The following KIAA0513 variants were observed in gnomAD, a reference collection of about 807,000 sequenced individuals.
The protein encoded by KIAA0513 is uncharacterized protein KIAA0513.
Under a neutral mutation model 56.5 loss-of-function variants are expected in KIAA0513, and 39 were observed. That is an observed-to-expected ratio of 0.69 (90% confidence interval 0.53 to 0.90). The LOEUF is 0.90. KIAA0513 is among the 40% of genes least tolerant of loss of function. KIAA0513 has a pLI of 0.00. For synonymous variants in KIAA0513, 268 were observed against 215.6 expected, an observed-to-expected ratio of 1.24 and a Z score of -2.13; for missense variants, 591 against 535.2, an observed-to-expected ratio of 1.10 and a Z score of -1.03.
chr16:85,059,652 C>G (rs114124152), intron 1 of KIAA0513, among the ~76,000 whole-genome samples: 12,837 of 152,160 alleles, frequency 0.084, 1,743 homozygotes, highest in African/African-American at 0.28. Context: ...TGAAGTTGTT[C>G]TGAATGAAAT....
chr16:85,051,426 G>T (rs564813374), intron 1 of KIAA0513, among the ~76,000 whole-genome samples: 83 of 152,252 alleles, frequency 5.5e-4, no homozygotes, highest in Admixed American at 1.8e-3. Context: ...AAGAGAAATG[G>T]CAAGAAACCC....
chr16:85,054,849 G>C lies in KIAA0513; in HGVS notation c.-172-12051G>C, dbSNP rs985660078. ...ATGGCAATGTTGTACGTCCTGGCGCGGGTGGTGGCTGCATGGACGTATTCG... is the reference window on the plus strand; with the variant it reads ...ATGGCAATGTTGTACGTCCTGGCGCCGGTGGTGGCTGCATGGACGTATTCG... On this transcript the variant is annotated intron_variant, in intron 1 of 12. Coordinates refer to ENST00000683363, the MANE Select transcript of KIAA0513 (RefSeq NM_001388359.1). Among the ~76,000 whole-genome samples, 4 of 151,910 alleles carry C rather than the reference G, an allele frequency of 2.6e-5. No homozygotes were observed. The East Asian group carries it at 7.7e-4, about 29-fold the overall frequency.
At position 85,088,411 on chromosome 16, in the gene KIAA0513, C is replaced by A; in HGVS notation, c.*86C>A. Reference sequence around the variant, plus strand: ...GCCCGGCCGTCACCCCACCCGATGACCTGCATGAAGCCAGCAGCACCCAGA... The same window carrying A: ...GCCCGGCCGTCACCCCACCCGATGAACTGCATGAAGCCAGCAGCACCCAGA... On this transcript the variant is annotated 3_prime_UTR_variant, in exon 13 of 13. Coordinates refer to ENST00000683363, the MANE Select transcript of KIAA0513 (RefSeq NM_001388359.1). 1 of 1,207,224 alleles carries A rather than the reference C, an allele frequency of 8.3e-7. No homozygotes were observed. The highest frequency in any genetic ancestry group is 1.2e-6 in the Non-Finnish European group (1 of 828,888). The allele number at this position is 1,207,224 out of a possible 1,614,324, so 74.8% of individuals were successfully genotyped here. A position where few individuals can be genotyped will look rare whatever the true frequency, so the allele number is the denominator to read the frequency against.
At chr16:85,054,247 T>C (rs1183651012) in intron 1 of KIAA0513, among the ~76,000 whole-genome samples, 1 of 152,164 alleles carries the variant, frequency 6.6e-6, no homozygotes, top group Non-Finnish European at 1.5e-5. Context: ...AGAATGTCTT[T>C]TAGAATTACT....
rs537032067 is a variant in KIAA0513, at chr16:85,089,454, C to A, written c.*1129C>A. 1 of 152,790 alleles carries A rather than the reference C, an allele frequency of 6.5e-6. No individual in the cohort carries two copies. Among genetic ancestry groups the A allele is most frequent in the East Asian group, 1.9e-4 (1 of 5,190 alleles). 9.5% of individuals were successfully genotyped at this position (152,790 alleles called of 1,614,324 possible). ...ACTGCCTGGGAACCACGGCCCTTCT[C>A]TTCTGTGGGTCTGTACCAGGTACTC... is the stretch of plus-strand genomic sequence containing the variant. On this transcript the variant is annotated 3_prime_UTR_variant, in exon 13 of 13. Coordinates refer to ENST00000683363, the MANE Select transcript of KIAA0513 (RefSeq NM_001388359.1). The surrounding 1 kb of genome is among the most constrained non-coding windows in gnomAD (Gnocchi z 4.2).
At chr16:85,065,988 G>T (rs1373797006) in intron 1 of KIAA0513, among the ~76,000 whole-genome samples, 1 of 152,348 alleles carries the variant, frequency 6.6e-6, no homozygotes, top group Non-Finnish European at 1.5e-5. Flanking sequence ...ACGTAGTCAG[G>T]AGTCCTCGCT....
intron 1 of KIAA0513, among the ~76,000 whole-genome samples, chr16:85,035,105 TC>T (rs2073016954): frequency 1.3e-5 from 2 of 151,890 alleles, no homozygotes; most frequent in Non-Finnish European, 2.9e-5. Context: ...GCTGTCAAAA[TC>T]CCAGGCCCCA....
At chr16:85,069,373 CCA>C (rs2073538357) in intron 2 of KIAA0513, among the ~76,000 whole-genome samples, 1 of 152,168 alleles carries the variant, frequency 6.6e-6, no homozygotes, top group Admixed American at 6.5e-5. Flanking sequence ...ACTATACTGG[CCA>C]GCAGCTGATT....
rs530348035 is a variant in KIAA0513 at position 85,082,698 on chromosome 16, A to T, written c.1010+105A>T. ...TGTGCTGAGCTGCTGCAGCAGGCAC[A>T]GCCCAGACGCAGGTGCAGCCTGGTG... On this transcript the variant is annotated intron_variant, in intron 10 of 12. Transcript: ENST00000683363. The T allele has an allele frequency of 1.7e-4, 211 of 1,231,456 alleles. 1 individual carries two copies. The South Asian group carries it at 2.6e-3, about 15-fold the overall frequency. 76.3% of individuals were successfully genotyped at this position (1,231,456 alleles called of 1,614,324 possible).
chr16:85,065,860 C>T (rs146557637), intron 1 of KIAA0513, among the ~76,000 whole-genome samples: 2 of 152,294 alleles, frequency 1.3e-5, no homozygotes, highest in South Asian at 2.1e-4. Flanking sequence ...GGGTTAGAAG[C>T]GAAGATTCAG....
At chr16:85,082,341 A>G (rs148104240) in intron 9 of KIAA0513, among the ~76,000 whole-genome samples, 26 of 152,172 alleles carry the variant, frequency 1.7e-4, no homozygotes, top group African/African-American at 6.3e-4. Context: ...GTGCCAGGAG[A>G]CCAGAACAGG....
Position 85,068,160 on chromosome 16 carries a change from T to C in KIAA0513, c.329+760T>C, listed in dbSNP as rs182760010. Among the ~76,000 whole-genome samples, 869 of 150,066 alleles carry C rather than the reference T, an allele frequency of 5.8e-3. 6 individuals carry two copies. The highest frequency in any genetic ancestry group is 0.01 in the Non-Finnish European group (674 of 67,390). On this transcript the variant is annotated intron_variant, in intron 2 of 12. Transcript: ENST00000683363. ...GTTGTTCCTGAATTTTATCCACGCA[T>C]TCTTTTTTTTTTTTGAGAAGGAGTC... is the stretch of plus-strand genomic sequence containing the variant.
In KIAA0513 at chr16:85,050,342, TA is replaced by T. The variant is rs1366718961; in HGVS notation, c.-172-16557del. ...GTTGATTGATATTTATTTATTTATTTATTTATTTATTTATTTATTTTTTTTG... is the reference window on the plus strand; with the variant it reads ...GTTGATTGATATTTATTTATTTATTTTTTATTTATTTATTTATTTTTTTTG... On this transcript the variant is annotated intron_variant, in intron 1 of 12. Coordinates refer to ENST00000683363, the MANE Select transcript of KIAA0513 (RefSeq NM_001388359.1). 2.8e-3 allele frequency among the ~76,000 whole-genome samples: 305 copies of T among 107,338 alleles called. 1 individual carries two copies. Among genetic ancestry groups the T allele is most frequent in the Admixed American group, 2.5e-3 (30 of 11,920 alleles). 70.4% of individuals were successfully genotyped at this position (107,338 alleles called of 152,430 possible). A position where few individuals can be genotyped will look rare whatever the true frequency, so the allele number is the denominator to read the frequency against.
chr16:85,046,608 G>A (rs962993111), intron 1 of KIAA0513, among the ~76,000 whole-genome samples: 4 of 152,236 alleles, frequency 2.6e-5, no homozygotes, highest in African/African-American at 9.6e-5. Flanking sequence ...GTCAGCTGGT[G>A]ATACACACTG....
chr16:85,033,424 T>C (rs1475783246), intron 1 of KIAA0513, among the ~76,000 whole-genome samples: 2 of 152,164 alleles, frequency 1.3e-5, no homozygotes, highest in Non-Finnish European at 2.9e-5. Context: ...CTGGTCCTTG[T>C]AGTGGAGGAA....
chr16:85,072,823 C>A, intron 3 of KIAA0513, 102 bp from the exon 4 acceptor site: 1 of 1,158,942 alleles, frequency 8.6e-7, no homozygotes, highest in Non-Finnish European at 1.3e-6. Context: ...GCCCCCATCC[C>A]AGCTGCATTT....
intron 1 of KIAA0513, among the ~76,000 whole-genome samples, chr16:85,057,358 G>A (rs974061643): frequency 6.6e-6 from 1 of 152,200 alleles, no homozygotes; most frequent in Admixed American, 6.5e-5. Flanking sequence ...TCCTTAAACT[G>A]TTTCTCCCCC....
intron 1 of KIAA0513, among the ~76,000 whole-genome samples, chr16:85,045,655 C>A (rs2073161227): frequency 6.6e-6 from 1 of 152,142 alleles, no homozygotes; most frequent in South Asian, 2.1e-4. Context: ...GCACCCAGCC[C>A]CAGTGACCTT....
chr16:85,040,445 G>A (rs1456339096), intron 1 of KIAA0513, among the ~76,000 whole-genome samples: 5 of 152,040 alleles, frequency 3.3e-5, no homozygotes, highest in East Asian at 3.9e-4. Context: ...TAGGAGGATC[G>A]CTTGAACCTG....
Sources: gnomAD v4.1 joint callset for allele counts (sites outside exome capture counted in the v4.1 genomes callset) on GRCh38, gnomAD v4.1.1 for gene constraint, Gnocchi (gnomAD v3.1) non-coding constraint, MANE v1.5 for transcripts, NCBI Gene and HGNC (gene_info 2026-07-23, HGNC 2026-07-21) for gene names.